Variants in STIM1 observed in about 807,000 individuals in gnomAD.
STIM1 encodes the protein stromal interaction molecule 1.
A neutral mutation model predicts 74.7 loss-of-function variants in STIM1; 25 were observed. The ratio of observed to expected loss-of-function variants is 0.33; its 90% CI spans 0.24 to 0.47. The LOEUF (loss-of-function observed/expected upper bound fraction) is 0.47, where lower values mean the gene tolerates loss of function less well. STIM1 is among the 20% of genes least tolerant of loss of function. The pLI, the probability that STIM1 is intolerant of heterozygous loss-of-function variation, is 1.00. For missense variants in STIM1, 728 were observed against 920.8 expected (o/e 0.79, Z 2.71); for synonymous variants, 328 against 348.8 (o/e 0.94, Z 0.66).
At chr11:4,031,581 C>A (rs1300405399) in intron 3 of STIM1, among the ~76,000 whole-genome samples, 1 of 152,130 alleles carries the variant, frequency 6.6e-6, no homozygotes, top group Non-Finnish European at 1.5e-5. Flanking sequence ...TTTAGCCATT[C>A]TGATAGTATA....
At chr11:3,864,033 C>G (rs1405228005) in intron 1 of STIM1, among the ~76,000 whole-genome samples, 1 of 151,640 alleles carries the variant, frequency 6.6e-6, no homozygotes, top group East Asian at 1.9e-4. Flanking sequence ...GTTTCATTGT[C>G]TCACTTCGGC....
At chr11:3,981,938 A>C (rs555287578) in intron 2 of STIM1, among the ~76,000 whole-genome samples, 1 of 152,202 alleles carries the variant, frequency 6.6e-6, no homozygotes, top group Non-Finnish European at 1.5e-5. Context: ...TTTCAGGTAT[A>C]CTTTTGCCAA....
At chr11:4,076,598 C>G (rs968151304) in intron 7 of STIM1, among the ~76,000 whole-genome samples, 6 of 150,024 alleles carry the variant, frequency 4.0e-5, no homozygotes, top group African/African-American at 1.5e-4. Context: ...TCTTCTGAAC[C>G]TTTATTGTTT....
At chr11:3,947,797 C>T (rs995038078) in intron 1 of STIM1, 1 of 152,204 alleles carries the variant, frequency 6.6e-6, no homozygotes, top group Non-Finnish European at 1.5e-5. Context: ...GACCTACTTT[C>T]ACCATATATG....
chr11:3,925,252 G>A lies in STIM1; in HGVS notation c.140-42300G>A, dbSNP rs559347629. 2.0e-5 allele frequency among the ~76,000 whole-genome samples: 3 copies of A among 152,284 alleles called. No individual in the cohort carries two copies. In the South Asian group the frequency reaches 6.2e-4, roughly 32 times the overall value. ...TCTACAAAAACTATAAAAATTAGCT[G>A]GGCATGGTGGCGCACGCCTGTAGTC... On this transcript the variant is annotated intron_variant, in intron 1 of 12. Transcript: ENST00000526596.
At chr11:4,064,431 T>A (rs1412594686) in intron 5 of STIM1, among the ~76,000 whole-genome samples, 1 of 152,170 alleles carries the variant, frequency 6.6e-6, no homozygotes, top group East Asian at 1.9e-4. Flanking sequence ...ATTCTGAACT[T>A]AGGATGAGTT....
chr11:3,962,835 A>G (rs2093301890), intron 1 of STIM1, among the ~76,000 whole-genome samples: 1 of 152,198 alleles, frequency 6.6e-6, no homozygotes. Flanking sequence ...TCTGTTCTAC[A>G]GTGAGTTTAG....
intron 1 of STIM1, among the ~76,000 whole-genome samples, chr11:3,914,283 A>G (rs759709102): frequency 6.6e-5 from 10 of 151,748 alleles, no homozygotes; most frequent in Non-Finnish European, 1.2e-4. Flanking sequence ...AGGTCCATCT[A>G]TGTTGCAACA....
chr11:3,871,792 G>C (rs1315779327), intron 1 of STIM1, among the ~76,000 whole-genome samples: 1 of 152,162 alleles, frequency 6.6e-6, no homozygotes, highest in East Asian at 1.9e-4. Context: ...TGTTACTCTT[G>C]ACTTTTCTGG....
rs1048582560 is a variant in STIM1 at position 3,895,775 on chromosome 11, C to A, written c.139+39366C>A. Among the ~76,000 whole-genome samples, 12 of 84,184 alleles carry A rather than the reference C, an allele frequency of 1.4e-4. 1 individual carries two copies. The highest frequency in any genetic ancestry group is 9.2e-4 in the Admixed American group (7 of 7,584). The allele number at this position is 84,184 out of a possible 152,430, so 55.2% of individuals were successfully genotyped here. ...TCCTTCCTTCCTTCCTTCCTTCCTTCCTTCCTTCCTTCCTTCCTTCCTTCC... is the reference window on the plus strand; with the variant it reads ...TCCTTCCTTCCTTCCTTCCTTCCTTACTTCCTTCCTTCCTTCCTTCCTTCC... On this transcript the variant is annotated intron_variant, in intron 1 of 12. Transcript: ENST00000526596.
intron 1 of STIM1, among the ~76,000 whole-genome samples, chr11:3,886,761 T>C (rs1444895990): frequency 6.7e-6 from 1 of 150,018 alleles, no homozygotes; most frequent in Non-Finnish European, 1.5e-5. Context: ...TCCAGCACTT[T>C]GGGAGGCCGA....
At chr11:3,982,085 G>A (rs1178673638) in intron 2 of STIM1, among the ~76,000 whole-genome samples, 1 of 150,600 alleles carries the variant, frequency 6.6e-6, no homozygotes, top group Non-Finnish European at 1.5e-5. Flanking sequence ...GGAGTGCAGT[G>A]GCATGCTCAT....
At chr11:4,048,528 A>G (rs2094211891) in intron 3 of STIM1, among the ~76,000 whole-genome samples, 1 of 152,066 alleles carries the variant, frequency 6.6e-6, no homozygotes, top group African/African-American at 2.4e-5. Context: ...GTGATGACTC[A>G]TTCCTCCCAC....
At chr11:4,063,359 A>G (rs2094344277) in intron 5 of STIM1, among the ~76,000 whole-genome samples, 1 of 152,092 alleles carries the variant, frequency 6.6e-6, no homozygotes, top group African/African-American at 2.4e-5. Context: ...AGATAATTGC[A>G]TTTTTTACAA....
intron 5 of STIM1, among the ~76,000 whole-genome samples, chr11:4,063,473 A>G (rs2094345186): frequency 6.6e-6 from 1 of 152,196 alleles, no homozygotes; most frequent in South Asian, 2.1e-4. Context: ...TTAAGCAATA[A>G]GTTATTTTTA....
chr11:3,890,777 C>T (rs780096910), intron 1 of STIM1, among the ~76,000 whole-genome samples: 22 of 152,262 alleles, frequency 1.4e-4, no homozygotes, highest in Non-Finnish European at 2.9e-4. Context: ...TCAGCTAGGT[C>T]AACTAGAGGT....
At chr11:3,882,779 A>G (rs760034303) in intron 1 of STIM1, among the ~76,000 whole-genome samples, 1 of 152,214 alleles carries the variant, frequency 6.6e-6, no homozygotes, top group Non-Finnish European at 1.5e-5. Flanking sequence ...GCAATGGACT[A>G]AAGTTCTAGT....
At position 4,061,145 on chromosome 11, in the gene STIM1, T is replaced by C. The variant is rs190511484; in HGVS notation, c.613+1749T>C. Among the ~76,000 whole-genome samples the C allele has an allele frequency of 2.0e-5, 3 of 152,308 alleles. No homozygotes were observed. In the East Asian group the frequency reaches 5.8e-4, roughly 29 times the overall value. On this transcript the variant is annotated intron_variant, in intron 5 of 12. Transcript: ENST00000526596. ...CTGTATCAAAATCAGATTTATCATG[T>C]CTGAAAGGATACAGTAGAAACTGCA...
intron 7 of STIM1, among the ~76,000 whole-genome samples, chr11:4,080,331 A>T (rs2094458417): frequency 6.6e-6 from 1 of 152,102 alleles, no homozygotes; most frequent in East Asian, 1.9e-4. Context: ...AAAGGACAAG[A>T]ACTCTGACTT....
Sources: gnomAD v4.1 joint callset for allele counts (sites outside exome capture counted in the v4.1 genomes callset) on GRCh38, gnomAD v4.1.1 for gene constraint, MANE v1.5 for transcripts, NCBI Gene and HGNC (gene_info 2026-07-23, HGNC 2026-07-21) for gene names.